Variants in SGCD observed in about 807,000 individuals in gnomAD.
The protein encoded by SGCD is delta-sarcoglycan.
SGCD carries 18 observed loss-of-function variants against 36.6 expected under a neutral mutation model. The ratio of observed to expected loss-of-function variants is 0.49; its 90% CI spans 0.34 to 0.73. The LOEUF (loss-of-function observed/expected upper bound fraction) is 0.73. Ranked by LOEUF, SGCD falls within the 30% of genes least tolerant of loss-of-function variation. SGCD has a pLI of 0.01. For synonymous variants in SGCD, 133 were observed against 130.6 expected (o/e 1.02, Z -0.12); for missense variants, 387 against 346.7 (o/e 1.12, Z -0.92).
At chr5:155,977,965 A>C (rs1367198720) in intron 1 of SGCD, among the ~76,000 whole-genome samples, 1 of 152,118 alleles carries the variant, frequency 6.6e-6, no homozygotes, top group Non-Finnish European at 1.5e-5. Context: ...GTGGTGGTGC[A>C]TGCCTGTAGT....
At chr5:156,053,568 G>A (rs1039637012) in intron 1 of SGCD, among the ~76,000 whole-genome samples, 1 of 145,956 alleles carries the variant, frequency 6.9e-6, no homozygotes, top group African/African-American at 2.5e-5. Flanking sequence ...TAAACTCCAA[G>A]TGCAGGACCC....
intron 4 of SGCD, among the ~76,000 whole-genome samples, chr5:156,524,480 A>G (rs182557662): frequency 1.5e-4 from 22 of 151,308 alleles, no homozygotes; most frequent in African/African-American, 4.8e-4. Context: ...AATTGTATAT[A>G]TATTTAAGGT....
chr5:156,590,907 C>T (rs551770441), intron 5 of SGCD, among the ~76,000 whole-genome samples: 27 of 151,792 alleles, frequency 1.8e-4, no homozygotes, highest in African/African-American at 6.5e-4. Context: ...TCCTCTCTTC[C>T]CTTGTTTCTT....
At chr5:156,575,719 C>T (rs1759914454) in intron 4 of SGCD, among the ~76,000 whole-genome samples, 1 of 151,800 alleles carries the variant, frequency 6.6e-6, no homozygotes. Context: ...AGTAGCATTC[C>T]CTAAAATGGG....
At chr5:156,749,031 C>A (rs1203096125) in intron 7 of SGCD, among the ~76,000 whole-genome samples, 2 of 152,040 alleles carry the variant, frequency 1.3e-5, no homozygotes, top group Non-Finnish European at 2.9e-5. Context: ...TCCCAAAGTG[C>A]TAGGATTATA....
At chr5:155,979,390 T>A (rs1758181912) in intron 1 of SGCD, among the ~76,000 whole-genome samples, 1 of 152,232 alleles carries the variant, frequency 6.6e-6, no homozygotes, top group African/African-American at 2.4e-5. Flanking sequence ...GGATAATCTG[T>A]ACAACTGTTC....
At chr5:156,534,553 T>A (rs1013214049) in intron 4 of SGCD, among the ~76,000 whole-genome samples, 11 of 152,200 alleles carry the variant, frequency 7.2e-5, no homozygotes, top group African/African-American at 2.7e-4. Flanking sequence ...AGTTCCCATA[T>A]GGAAATGCTT....
intron 1 of SGCD, among the ~76,000 whole-genome samples, chr5:156,041,289 A>G (rs1342694084): frequency 2.0e-5 from 3 of 152,194 alleles, no homozygotes; most frequent in African/African-American, 7.2e-5. Flanking sequence ...GAGCCCCAGA[A>G]TGGGTTGATT....
intron 1 of SGCD, among the ~76,000 whole-genome samples, chr5:155,933,102 T>C (rs1335092450): frequency 6.6e-6 from 1 of 152,228 alleles, no homozygotes; most frequent in Non-Finnish European, 1.5e-5. Flanking sequence ...AAAGTTCCTA[T>C]GTCATCTGGC....
intron 3 of SGCD, among the ~76,000 whole-genome samples, chr5:156,433,998 A>C (rs2127789815): frequency 6.6e-6 from 1 of 152,348 alleles, no homozygotes; most frequent in East Asian, 1.9e-4. Flanking sequence ...ATTGGCCTCC[A>C]ATGGGTAACA....
chr5:156,504,529 C>G (rs1756613709), intron 3 of SGCD, among the ~76,000 whole-genome samples: 1 of 151,842 alleles, frequency 6.6e-6, no homozygotes. Context: ...TTTGCCTGCA[C>G]TCTTACATAT....
intron 3 of SGCD, among the ~76,000 whole-genome samples, chr5:156,184,815 C>T (rs1763696059): frequency 6.6e-6 from 1 of 152,134 alleles, no homozygotes; most frequent in Non-Finnish European, 1.5e-5. Flanking sequence ...ACCACCAGCC[C>T]AAGAGGAGCC....
At chr5:155,924,060 G>A (rs1457932406) in intron 1 of SGCD, among the ~76,000 whole-genome samples, 1 of 151,892 alleles carries the variant, frequency 6.6e-6, no homozygotes, top group Non-Finnish European at 1.5e-5. Flanking sequence ...GTGCTCTCTG[G>A]TGACCCAAAA....
At chr5:156,607,752 C>T (rs1236652333) in intron 6 of SGCD, among the ~76,000 whole-genome samples, 2 of 152,114 alleles carry the variant, frequency 1.3e-5, no homozygotes, top group African/African-American at 4.8e-5. Context: ...AGAGATTCAA[C>T]TTCTTCCTGG....
chr5:156,603,420 T>C (rs1413163857), intron 6 of SGCD, among the ~76,000 whole-genome samples: 2 of 152,092 alleles, frequency 1.3e-5, no homozygotes. Context: ...ATCTCTTTTT[T>C]AATTCTACTC....
At chr5:156,217,139 A>G (rs1764597336) in intron 3 of SGCD, among the ~76,000 whole-genome samples, 1 of 152,154 alleles carries the variant, frequency 6.6e-6, no homozygotes, top group South Asian at 2.1e-4. Context: ...TGTTAATAGT[A>G]AGAGTTCTTA....
intron 3 of SGCD, among the ~76,000 whole-genome samples, chr5:156,420,189 TATC>T (rs1324774494): frequency 6.6e-6 from 1 of 152,166 alleles, no homozygotes; most frequent in Non-Finnish European, 1.5e-5. Flanking sequence ...CTGTAAATAT[TATC>T]TATATCCAAC....
chr5:156,262,769 G>C (rs975105233), intron 3 of SGCD, among the ~76,000 whole-genome samples: 1 of 151,944 alleles, frequency 6.6e-6, no homozygotes, highest in East Asian at 1.9e-4. Flanking sequence ...TTCCACTTAC[G>C]AGTGAGAACA....
chr5:155,794,233 G>C, the SGCD span, among the ~76,000 whole-genome samples: 9 of 151,960 alleles, frequency 5.9e-5, no homozygotes, highest in African/African-American at 2.2e-4. Context: ...CAGAAAAAAA[G>C]GCAAATCTGA....
Sources: gnomAD v4.1 joint callset for allele counts (sites outside exome capture counted in the v4.1 genomes callset) on GRCh38, gnomAD v4.1.1 for gene constraint, MANE v1.5 for transcripts, NCBI Gene and HGNC (gene_info 2026-07-23, HGNC 2026-07-21) for gene names.